Variants in HIVEP2 observed in about 807,000 individuals in gnomAD.
HIVEP2 encodes transcription factor HIVEP2.
In HIVEP2, 14 loss-of-function variants were observed where a neutral mutation model predicts 180.7. The ratio of observed to expected loss-of-function variants is 0.08; its 90% CI spans 0.05 to 0.12. HIVEP2 has a LOEUF of 0.12. Ranked by LOEUF, HIVEP2 falls within the 10% of genes least tolerant of loss-of-function variation. HIVEP2 has a pLI of 1.00. For missense variants in HIVEP2, 2,579 were observed against 3,008.5 expected (o/e 0.86, Z 3.34); for synonymous variants, 1,184 against 1,136.4 (o/e 1.04, Z -0.84).
At chr6:142,911,940 G>A (rs992852311) in intron 1 of HIVEP2, among the ~76,000 whole-genome samples, 7 of 152,144 alleles carry the variant, frequency 4.6e-5, no homozygotes, top group African/African-American at 7.2e-5. Flanking sequence ...TTCAGTGCTA[G>A]TACTTATGGC....
At chr6:142,920,818 C>CA (rs1399913967) in intron 1 of HIVEP2, among the ~76,000 whole-genome samples, 1 of 151,950 alleles carries the variant, frequency 6.6e-6, no homozygotes, top group Non-Finnish European at 1.5e-5. Flanking sequence ...CCCATTTCTA[C>CA]AAAAAATTTA....
At chr6:142,841,329 CA>C (rs1178768838) in intron 1 of HIVEP2, among the ~76,000 whole-genome samples, 1 of 152,084 alleles carries the variant, frequency 6.6e-6, no homozygotes, top group Non-Finnish European at 1.5e-5. Flanking sequence ...TTTCTGGGCT[CA>C]CCCTTTAGTT....
chr6:142,907,288 C>T (rs1777288442), intron 1 of HIVEP2, among the ~76,000 whole-genome samples: 1 of 152,180 alleles, frequency 6.6e-6, no homozygotes, highest in Non-Finnish European at 1.5e-5. Flanking sequence ...ACAGGCAATT[C>T]TCAACTTACA....
intron 3 of HIVEP2, among the ~76,000 whole-genome samples, chr6:142,781,237 A>G (rs1299811904): frequency 6.6e-6 from 1 of 152,198 alleles, no homozygotes; most frequent in Non-Finnish European, 1.5e-5. Context: ...CAGGTTTCCT[A>G]ATCAATTGAT....
chr6:142,772,898 A>G lies in HIVEP2; in HGVS notation c.1841T>C (p.Met614Thr). ...GGATGAACTGCTGATACCCTTCAAC[A>G]TCCTGCCATGGTGCTCGACTTCCAC... ...GHVEVEHHGR[M>T]LKGISSSSLK... Residue 614 changes from methionine (M) to threonine (T), a missense_variant, in exon 5 of 10, where the codon ATG becomes ACG. Met to Thr is a moderately conservative substitution (Grantham distance 81). Transcript: ENST00000367603. This position sits in a 1 kb window ranked among gnomAD's most constrained non-coding sequence, Gnocchi z 4.9. 6.2e-7 allele frequency: 1 copy of G among 1,614,126 alleles called. No homozygotes were observed. The highest frequency in any genetic ancestry group is 8.5e-7 in the Non-Finnish European group (1 of 1,180,008).
At chr6:142,803,854 C>G (rs1422645710) in intron 2 of HIVEP2, among the ~76,000 whole-genome samples, 1 of 152,128 alleles carries the variant, frequency 6.6e-6, no homozygotes, top group Non-Finnish European at 1.5e-5. Flanking sequence ...CCTTCACACA[C>G]CCCTGACTCC....
Position 142,872,730 on chromosome 6 carries a change from T to G in HIVEP2, c.-640-35683A>C, listed in dbSNP as rs9484674. Reference sequence around the variant, plus strand: ...TGTGATTTATCTAAACCCAGAGATATGAACTAACTAGCTACCTCTTTTCTG... The same window carrying G: ...TGTGATTTATCTAAACCCAGAGATAGGAACTAACTAGCTACCTCTTTTCTG... On this transcript the variant is annotated intron_variant, in intron 1 of 9. Coordinates refer to ENST00000367603, the MANE Select transcript of HIVEP2 (RefSeq NM_006734.4). Among the ~76,000 whole-genome samples the G allele has an allele frequency of 9.5e-3, 1,445 of 152,304 alleles. 25 individuals are homozygous for G. Among genetic ancestry groups the G allele is most frequent in the African/African-American group, 0.033 (1,373 of 41,556 alleles).
rs1212086151 is a variant in HIVEP2 at position 142,945,046 on chromosome 6, C to T, written c.-641+53G>A. 4 of 146,506 alleles carry T rather than the reference C, an allele frequency of 2.7e-5. No individual in the cohort carries two copies. Among genetic ancestry groups the T allele is most frequent in the African/African-American group, 9.8e-5 (4 of 40,916 alleles). 9.1% of individuals were successfully genotyped at this position (146,506 alleles called of 1,614,324 possible). ...CAGGCCGGCGGCCCGGGCCTCGCGC[C>T]GCCAGCCCGCCCGGCCGCCTGCGCC... On this transcript the variant is annotated intron_variant, in intron 1 of 9. Transcript: ENST00000367603. This position sits in a 1 kb window ranked among gnomAD's most constrained non-coding sequence, Gnocchi z 5.5.
intron 1 of HIVEP2, among the ~76,000 whole-genome samples, chr6:142,885,709 G>A (rs367615467): frequency 1.3e-5 from 2 of 152,254 alleles, no homozygotes; most frequent in South Asian, 2.1e-4. Context: ...TAAGTGGCTG[G>A]AGAGTTGAAG....
intron 1 of HIVEP2, among the ~76,000 whole-genome samples, chr6:142,874,530 G>A (rs767509319): frequency 1.3e-5 from 2 of 152,064 alleles, no homozygotes; most frequent in Non-Finnish European, 2.9e-5. Flanking sequence ...TATCACCAAG[G>A]AGGTTCAAAA....
intron 1 of HIVEP2, among the ~76,000 whole-genome samples, chr6:142,846,641 T>C (rs569740701): frequency 6.6e-6 from 1 of 152,350 alleles, no homozygotes; most frequent in Non-Finnish European, 1.5e-5. Context: ...AGGTGAAGCA[T>C]GAACCTCTCA....
At chr6:142,842,587 G>A (rs1487310928) in intron 1 of HIVEP2, among the ~76,000 whole-genome samples, 1 of 152,162 alleles carries the variant, frequency 6.6e-6, no homozygotes, top group Non-Finnish European at 1.5e-5. Context: ...AGTGAAAGAA[G>A]GAGTGATGTG....
chr6:142,759,602 T>C (rs553250142), intron 9 of HIVEP2, among the ~76,000 whole-genome samples, 170 bp downstream of exon 9: 6 of 152,362 alleles, frequency 3.9e-5, no homozygotes, highest in African/African-American at 1.4e-4. Context: ...GCCACAGCCA[T>C]GTTACTGACA....
At chr6:142,787,109 A>T (rs1776017705) in intron 2 of HIVEP2, among the ~76,000 whole-genome samples, 1 of 152,034 alleles carries the variant, frequency 6.6e-6, no homozygotes, top group East Asian at 1.9e-4. Flanking sequence ...AAAAAAATTT[A>T]AGCAGGTGTG....
At chr6:142,944,959 G>C (rs898126499) in intron 1 of HIVEP2, 140 bp downstream of exon 1, 1 of 151,562 alleles carries the variant, frequency 6.6e-6, no homozygotes, top group Non-Finnish European at 1.5e-5. Context: ...TTCCTTGCCC[G>C]GGAGGTAAAG....
intron 1 of HIVEP2, among the ~76,000 whole-genome samples, chr6:142,838,685 G>C (rs1440714883): frequency 6.6e-6 from 1 of 152,028 alleles, no homozygotes; most frequent in African/African-American, 2.4e-5. Context: ...GAAAGAGGTA[G>C]GGCACTCCCT....
intron 1 of HIVEP2, among the ~76,000 whole-genome samples, chr6:142,917,275 C>G (rs1266402434): frequency 1.3e-5 from 2 of 152,156 alleles, no homozygotes; most frequent in African/African-American, 4.8e-5. Context: ...ATATGAAAAA[C>G]AGAATACATG....
intron 1 of HIVEP2, among the ~76,000 whole-genome samples, chr6:142,858,053 T>C (rs1775872258): frequency 6.6e-6 from 1 of 152,020 alleles, no homozygotes; most frequent in Admixed American, 6.6e-5. Flanking sequence ...GAGAGGCTGT[T>C]CCCCCTAGAA....
chr6:142,860,381 G>A (rs1349163212), intron 1 of HIVEP2, among the ~76,000 whole-genome samples: 1 of 152,184 alleles, frequency 6.6e-6, no homozygotes, highest in Non-Finnish European at 1.5e-5. Context: ...CTGGTTTCGT[G>A]GAAGACAATT....
Sources: allele counts gnomAD v4.1 joint callset (sites outside exome capture counted in the v4.1 genomes callset), GRCh38; gene constraint gnomAD v4.1.1; non-coding constraint Gnocchi (gnomAD v3.1); transcripts MANE v1.5; gene names NCBI Gene and HGNC (gene_info 2026-07-23, HGNC 2026-07-21).